The following ZNF131 variants were observed in gnomAD, a reference collection of about 807,000 sequenced individuals.
ZNF131 encodes the protein zinc finger protein 131.
ZNF131 carries 7 observed loss-of-function variants against 60.0 expected under a neutral mutation model. The observed-to-expected ratio is 0.12, with a 90% CI of 0.07 to 0.22. The LOEUF (loss-of-function observed/expected upper bound fraction) is 0.22. ZNF131 is among the 10% of genes least tolerant of loss of function. The probability of loss-of-function intolerance (pLI) is 1.00; values close to 1 mark genes in which losing one functional copy is unlikely to be tolerated. For missense variants in ZNF131, 493 were observed against 740.9 expected (o/e 0.67, Z 3.88); for synonymous variants, 257 against 253.2 (o/e 1.01, Z -0.14).
At chr5:43,121,824 A>G (rs1470572705) in intron 1 of ZNF131, 1 of 391,406 alleles carries the variant, frequency 2.6e-6, no homozygotes, top group Non-Finnish European at 4.5e-6. Flanking sequence ...CCCGACTCCA[A>G]TTAGGTCAGG....
At chr5:43,171,912 C>T (rs34242142) in intron 5 of ZNF131, among the ~76,000 whole-genome samples, 2 of 152,110 alleles carry the variant, frequency 1.3e-5, no homozygotes, top group South Asian at 4.1e-4. Flanking sequence ...GAGCCACCGC[C>T]CCGGGCCAGC....
chr5:43,155,349 G>A (rs1000004770), intron 4 of ZNF131, among the ~76,000 whole-genome samples: 8 of 152,178 alleles, frequency 5.3e-5, no homozygotes. Flanking sequence ...TTAGGGATCA[G>A]TTTCAACAAG....
chr5:43,143,125 C>T (rs989333117), intron 4 of ZNF131, among the ~76,000 whole-genome samples: 7 of 150,894 alleles, frequency 4.6e-5, no homozygotes, highest in Non-Finnish European at 1.0e-4. Context: ...CGGGTTCAAG[C>T]GATTCCTTTG....
At chr5:43,148,875 G>A (rs1747947145) in intron 4 of ZNF131, among the ~76,000 whole-genome samples, 1 of 152,134 alleles carries the variant, frequency 6.6e-6, no homozygotes, top group Admixed American at 6.5e-5. Flanking sequence ...GTTTCCTTGT[G>A]CAATTTTGTA....
intron 4 of ZNF131, among the ~76,000 whole-genome samples, chr5:43,151,435 C>T (rs4866971): frequency 0.72 from 109,365 of 151,956 alleles, 39,723 homozygotes; most frequent in Middle Eastern, 0.84. Flanking sequence ...CATTTTGTTT[C>T]GTTTTGTTTT....
At chr5:43,135,538 C>T (rs548889521) in intron 3 of ZNF131, among the ~76,000 whole-genome samples, 100 of 146,768 alleles carry the variant, frequency 6.8e-4, no homozygotes, top group Non-Finnish European at 1.2e-3. Flanking sequence ...TGCTTGAGGT[C>T]AGGAGTTCAA....
chr5:43,139,895 G>T (rs1378711512), intron 4 of ZNF131, among the ~76,000 whole-genome samples: 1 of 152,110 alleles, frequency 6.6e-6, no homozygotes, highest in Non-Finnish European at 1.5e-5. Flanking sequence ...CCTATTCCTA[G>T]TATTAAAATT....
At chr5:43,138,294 G>A (rs999861578) in intron 3 of ZNF131, among the ~76,000 whole-genome samples, 1 of 152,158 alleles carries the variant, frequency 6.6e-6, no homozygotes, top group African/African-American at 2.4e-5. Flanking sequence ...ACCTTTAAGG[G>A]GTGGGTGGTA....
At chr5:43,130,020 C>T (rs1462555129) in intron 3 of ZNF131, among the ~76,000 whole-genome samples, 2 of 150,546 alleles carry the variant, frequency 1.3e-5, no homozygotes, top group Non-Finnish European at 3.0e-5. Context: ...AATCCCAGCA[C>T]TTTGGGAGGC....
Position 43,165,205 on chromosome 5 carries a change from C to CT in ZNF131, c.1054+3290dup, listed in dbSNP as rs142657870. Among the ~76,000 whole-genome samples, 1,285 of 137,796 alleles carry CT rather than the reference C, an allele frequency of 9.3e-3. 11 individuals carry two copies. Among genetic ancestry groups the CT allele is most frequent in the African/African-American group, 0.019 (709 of 37,524 alleles). 90.4% of individuals were successfully genotyped at this position (137,796 alleles called of 152,430 possible). ...AGCCACCATGCTTGGCCCTGTATTTCTTTTTTTTTTTTTTTTAGCTTTAAC... is the reference window on the plus strand; with the variant it reads ...AGCCACCATGCTTGGCCCTGTATTTCTTTTTTTTTTTTTTTTTAGCTTTAAC... On this transcript the variant is annotated intron_variant, in intron 5 of 6. Coordinates refer to ENST00000682664, the MANE Select transcript of ZNF131 (RefSeq NM_001330707.2).
In ZNF131 at chr5:43,161,119, G is replaced by A. The variant is rs1040678695; in HGVS notation, c.372-130G>A. The stretch of plus-strand genomic sequence containing the variant: ...CTGTAGCTTTAAGTCTTGAAATCAG[G>A]TAGGATAAGCCCTGCAGTCTTGTTT... On this transcript the variant is annotated intron_variant, in intron 4 of 6. Transcript: ENST00000682664. The A allele has an allele frequency of 7.8e-6, 6 of 768,394 alleles. No homozygotes were observed. The African/African-American group carries it at 8.7e-5, about 11-fold the overall frequency. 47.6% of individuals were successfully genotyped at this position (768,394 alleles called of 1,614,324 possible).
At chr5:43,131,168 A>G (rs867792525) in intron 3 of ZNF131, among the ~76,000 whole-genome samples, 1 of 151,032 alleles carries the variant, frequency 6.6e-6, no homozygotes, top group South Asian at 2.1e-4. Flanking sequence ...CCCGGCCTCC[A>G]AGCTTACCAC....
intron 4 of ZNF131, among the ~76,000 whole-genome samples, chr5:43,152,715 TC>T (rs1438355664): frequency 3.3e-5 from 5 of 152,128 alleles, no homozygotes; most frequent in Non-Finnish European, 5.9e-5. Context: ...CAGATGATCC[TC>T]CCACCTCAGC....
chr5:43,159,544 A>T (rs554446231), intron 4 of ZNF131, among the ~76,000 whole-genome samples: 2 of 151,998 alleles, frequency 1.3e-5, no homozygotes, highest in South Asian at 4.2e-4. Flanking sequence ...AAAATACAAA[A>T]ATTAGGCGGG....
At chr5:43,172,037 C>T (rs960142815) in intron 5 of ZNF131, among the ~76,000 whole-genome samples, 2 of 152,206 alleles carry the variant, frequency 1.3e-5, no homozygotes, top group African/African-American at 4.8e-5. Flanking sequence ...CATAAGCCAC[C>T]ATGTTTGGCC....
intron 3 of ZNF131, among the ~76,000 whole-genome samples, chr5:43,129,554 C>T (rs1745031160): frequency 6.6e-6 from 1 of 152,186 alleles, no homozygotes; most frequent in South Asian, 2.1e-4. Flanking sequence ...AGTTTAGCAG[C>T]ATAGCATGTT....
At chr5:43,170,745 G>T (rs1377086130) in intron 5 of ZNF131, among the ~76,000 whole-genome samples, 4 of 146,920 alleles carry the variant, frequency 2.7e-5, no homozygotes, top group Non-Finnish European at 5.9e-5. Context: ...TGATTCTCCT[G>T]CCTCAGCCTC....
At chr5:43,139,084 C>A in intron 3 of ZNF131, 81 bp from the exon 4 acceptor site, 1 of 1,200,512 alleles carries the variant, frequency 8.3e-7, no homozygotes. Flanking sequence ...AGCTCCAAGC[C>A]CTGGGCTTTT....
intron 5 of ZNF131, among the ~76,000 whole-genome samples, chr5:43,171,047 T>A (rs1420343057): frequency 1.3e-5 from 2 of 151,680 alleles, no homozygotes; most frequent in African/African-American, 2.4e-5. Context: ...TGGGTTCAAG[T>A]GATTCTCGTA....
Sources: gnomAD v4.1 joint callset for allele counts (sites outside exome capture counted in the v4.1 genomes callset) on GRCh38, gnomAD v4.1.1 for gene constraint, MANE v1.5 for transcripts, NCBI Gene and HGNC (gene_info 2026-07-23, HGNC 2026-07-21) for gene names.